Variants in TBCD observed in about 807,000 individuals in gnomAD.
TBCD encodes tubulin-specific chaperone D.
A neutral mutation model predicts 169.3 loss-of-function variants in TBCD; 105 were observed. That is an observed-to-expected ratio of 0.62 (90% CI 0.53 to 0.73). The LOEUF is 0.73. Ranked by LOEUF, TBCD falls within the 30% of genes least tolerant of loss-of-function variation. The pLI, the probability that TBCD is intolerant of heterozygous loss-of-function variation, is 0.00. For missense variants in TBCD, 1,444 were observed against 1,600.1 expected, an observed-to-expected ratio of 0.90 and a Z score of 1.66; for synonymous variants, 700 against 643.9, an observed-to-expected ratio of 1.09 and a Z score of -1.32.
rs1023047516 is a variant in TBCD, at chr17:82,832,513, C to T, written c.1318+17579C>T. 6.4e-5 allele frequency: 94 copies of T among 1,472,064 alleles called. 1 individual carries two copies. Among genetic ancestry groups the T allele is most frequent in the African/African-American group, 4.4e-4 (32 of 72,438 alleles). The allele number at this position is 1,472,064 out of a possible 1,614,324, so 91.2% of individuals were successfully genotyped here. A position where few individuals can be genotyped will look rare whatever the true frequency, so the allele number is the denominator to read the frequency against. ...GGTGGCGTGATCACTGTCGACGCCG[C>T]GTGCACTTCGTGGTTTCTAAAGAGG... On this transcript the variant is annotated intron_variant, in intron 13 of 38. Coordinates refer to ENST00000355528, the MANE Select transcript of TBCD (RefSeq NM_005993.5). The surrounding 1 kb of genome is among the most constrained non-coding windows in gnomAD (Gnocchi z 4.9).
intron 27 of TBCD, among the ~76,000 whole-genome samples, 190 bp from the exon 28 acceptor site, chr17:82,926,210 G>C (rs886538363): frequency 2.0e-5 from 3 of 149,386 alleles, no homozygotes; most frequent in African/African-American, 4.9e-5. Context: ...GGAGAGGCTG[G>C]AGGTGACCTC....
chr17:82,894,434 G>A (rs2059347128), intron 17 of TBCD, among the ~76,000 whole-genome samples: 1 of 152,184 alleles, frequency 6.6e-6, no homozygotes, highest in African/African-American at 2.4e-5. Flanking sequence ...CATGCCCGAT[G>A]CATTTTTAAC....
chr17:82,927,859 A>AC (rs1342715298), intron 29 of TBCD, 46 bp from the exon 30 acceptor site: 21 of 1,561,488 alleles, frequency 1.3e-5, no homozygotes, highest in Non-Finnish European at 1.8e-5. Flanking sequence ...CAGGGTTGGA[A>AC]CCCCCCTCTC....
chr17:82,882,485 T>C (rs974090700), intron 14 of TBCD, among the ~76,000 whole-genome samples: 6 of 152,144 alleles, frequency 3.9e-5, no homozygotes, highest in Admixed American at 3.3e-4. Context: ...GGCTGTAGTT[T>C]GTAGGTCTCC....
chr17:82,859,586 C>T (rs1280610473), intron 13 of TBCD: 49 of 985,304 alleles, frequency 5.0e-5, no homozygotes, highest in Non-Finnish European at 5.9e-5. Context: ...CTGTGGTTTC[C>T]GGCACTGCAG....
intron 14 of TBCD, among the ~76,000 whole-genome samples, chr17:82,875,555 AGCCTCTGACTTTCG>A (rs1236629870): frequency 6.6e-6 from 1 of 152,206 alleles, no homozygotes; most frequent in African/African-American, 2.4e-5. Context: ...GCCAGGGGGC[AGCCTCTGACTTTCG>A]GCCTCCACCT....
In TBCD at chr17:82,938,126, G is replaced by A. The variant is rs749377554; in HGVS notation, c.3359G>A (p.Arg1120His). ...LLQLCLLLCHRFPLIRKTTAS... is the reference protein window; with the variant it reads ...LLQLCLLLCHHFPLIRKTTAS... ...CAGCTGTGTCTGCTCCTCTGCCACC[G>A]TTTCCCGCTGGTGAGTGCCTGCCCC... Residue 1120 changes from arginine to histidine, a missense_variant, in exon 36 of 39, where the codon CGT becomes CAT. Arg to His is a conservative substitution (Grantham distance 29). Coordinates refer to ENST00000355528, the MANE Select transcript of TBCD (RefSeq NM_005993.5). The A allele has an allele frequency of 8.7e-6, 14 of 1,612,088 alleles. No homozygotes were observed. The highest frequency in any genetic ancestry group is 2.2e-5 in the East Asian group (1 of 44,870).
intron 35 of TBCD, 46 bp downstream of exon 35, chr17:82,937,406 G>A (rs768527030): frequency 1.3e-6 from 2 of 1,571,168 alleles, no homozygotes; most frequent in Non-Finnish European, 1.8e-6. Flanking sequence ...GCAGGGCGCA[G>A]CCTCCCTTGG....
intron 13 of TBCD, among the ~76,000 whole-genome samples, chr17:82,836,204 C>T (rs1196681807): frequency 6.6e-6 from 1 of 152,260 alleles, no homozygotes; most frequent in African/African-American, 2.4e-5. Flanking sequence ...AGTAGAGAAG[C>T]CGGGTGCCTG....
At chr17:82,770,944 GA>G (rs2048276051) in intron 5 of TBCD, among the ~76,000 whole-genome samples, 1 of 151,568 alleles carries the variant, frequency 6.6e-6, no homozygotes. Context: ...AGCTACTTGG[GA>G]GGCTGAGGCA....
At chr17:82,803,107 G>A (rs2050695130) in intron 9 of TBCD, among the ~76,000 whole-genome samples, 1 of 152,136 alleles carries the variant, frequency 6.6e-6, no homozygotes, top group South Asian at 2.1e-4. Context: ...CTTCTTGGTT[G>A]TCTTCTGTTG....
At chr17:82,821,486 G>C (rs576131812) in intron 13 of TBCD, among the ~76,000 whole-genome samples, 1 of 152,324 alleles carries the variant, frequency 6.6e-6, no homozygotes, top group East Asian at 1.9e-4. Flanking sequence ...ACATAGGTCT[G>C]TTTATACCCA....
intron 23 of TBCD, 82 bp downstream of exon 23, chr17:82,911,871 C>T (rs142438427): frequency 2.4e-5 from 36 of 1,487,184 alleles, no homozygotes; most frequent in Middle Eastern, 1.8e-4. Context: ...GCGTGCAGGG[C>T]GGCCCATTAG....
intron 13 of TBCD, among the ~76,000 whole-genome samples, chr17:82,834,589 GC>G (rs930189300): frequency 9.2e-5 from 14 of 152,248 alleles, no homozygotes; most frequent in Non-Finnish European, 1.8e-4. Flanking sequence ...GGAGCTGGAA[GC>G]CAGCATCCTC....
Position 82,756,197 on chromosome 17 carries a change from C to A in TBCD, c.217C>A (p.Leu73Met), listed in dbSNP as rs1164127534. 6.2e-7 allele frequency: 1 copy of A among 1,610,700 alleles called. No homozygotes were observed. The highest frequency in any genetic ancestry group is 2.2e-5 in the East Asian group (1 of 44,824). ...GGACAAATACCAGGAGCAGCCTCAT[C>A]TGTTGGACCCGCACCTTGGTAAGAA... ...IMDKYQEQPH[L>M]LDPHLEWMMN... is the part of the protein sequence containing the mutation. Residue 73 changes from leucine (L) to methionine (M), a missense_variant, in exon 2 of 39, where the codon CTG becomes ATG. Leu to Met is a conservative substitution (Grantham distance 15). Coordinates refer to ENST00000355528, the MANE Select transcript of TBCD (RefSeq NM_005993.5).
intron 13 of TBCD, among the ~76,000 whole-genome samples, chr17:82,815,381 C>T (rs1356365124): frequency 6.6e-6 from 1 of 152,210 alleles, no homozygotes; most frequent in Non-Finnish European, 1.5e-5. Flanking sequence ...ACCAGGTACC[C>T]CTGGCAGCAT....
rs974788223 is a variant in TBCD at position 82,936,899 on chromosome 17, A to C, written c.3192-372A>C. Among the ~76,000 whole-genome samples, 12 of 152,212 alleles carry C rather than the reference A, an allele frequency of 7.9e-5. 1 individual carries two copies. The highest frequency in any genetic ancestry group is 7.9e-4 in the Admixed American group (12 of 15,284). ...TGTCGGCAGTTTCCCCCGGCTCTGC[A>C]GCAGCCCAGGCCAGGTAGCCTCTGG... On this transcript the variant is annotated intron_variant, in intron 34 of 38. Transcript: ENST00000355528.
intron 14 of TBCD, among the ~76,000 whole-genome samples, chr17:82,870,595 T>A (rs527851449): frequency 1.3e-5 from 2 of 152,268 alleles, no homozygotes; most frequent in African/African-American, 4.8e-5. Flanking sequence ...TCTGGAGGTC[T>A]TGGCCACCCT....
chr17:82,887,128 ACTCT>A (rs1411639281), intron 15 of TBCD, among the ~76,000 whole-genome samples: 3 of 104,810 alleles, frequency 2.9e-5, no homozygotes, highest in African/African-American at 1.1e-4. Context: ...TTTTACCTGT[ACTCT>A]GTGTGTGTGT....
Sources: gnomAD v4.1 joint callset for allele counts (sites outside exome capture counted in the v4.1 genomes callset) on GRCh38, gnomAD v4.1.1 for gene constraint, Gnocchi (gnomAD v3.1) non-coding constraint, MANE v1.5 for transcripts, NCBI Gene and HGNC (gene_info 2026-07-23, HGNC 2026-07-21) for gene names.